The following PRR5L variants were observed in gnomAD, a reference collection of about 807,000 sequenced individuals.
PRR5L encodes the protein proline rich 5 like.
PRR5L carries 21 observed loss-of-function variants against 36.4 expected under a neutral mutation model. The ratio of observed to expected loss-of-function variants is 0.58; its 90% CI spans 0.41 to 0.83. The LOEUF is 0.83. Ranked by LOEUF, PRR5L falls within the 40% of genes least tolerant of loss-of-function variation. The pLI, the probability that PRR5L is intolerant of heterozygous loss-of-function variation, is 0.00. For missense variants in PRR5L, 381 were observed against 473.3 expected (o/e 0.80, Z 1.81); for synonymous variants, 188 against 197.0 (o/e 0.95, Z 0.38).
intron 6 of PRR5L, among the ~76,000 whole-genome samples, chr11:36,445,307 G>GA (rs1217553424): frequency 6.6e-6 from 1 of 152,150 alleles, no homozygotes; most frequent in Non-Finnish European, 1.5e-5. Context: ...AGGAGAGTCT[G>GA]AAAAATTCAC....
intron 1 of PRR5L, among the ~76,000 whole-genome samples, chr11:36,325,022 G>A (rs1419481668): frequency 6.6e-6 from 1 of 152,172 alleles, no homozygotes; most frequent in Non-Finnish European, 1.5e-5. Flanking sequence ...ATGATGGTGG[G>A]CTGCTTCCAA....
chr11:36,416,838 G>A (rs907313359), intron 3 of PRR5L, among the ~76,000 whole-genome samples: 1 of 152,148 alleles, frequency 6.6e-6, no homozygotes, highest in Non-Finnish European at 1.5e-5. Context: ...GGGAGGAGAT[G>A]TCTTGGATTC....
chr11:36,432,681 A>G (rs331485), intron 5 of PRR5L, among the ~76,000 whole-genome samples: 129,508 of 152,150 alleles, frequency 0.85, 55,362 homozygotes, highest in East Asian at 0.91. Flanking sequence ...CATGAGTGGC[A>G]TAACACCATA....
At position 36,421,639 on chromosome 11, in the gene PRR5L, A is replaced by G. The variant is rs564701366; in HGVS notation, c.294+2336A>G. Among the ~76,000 whole-genome samples the G allele has an allele frequency of 1.7e-3, 255 of 152,236 alleles. 3 individuals are homozygous for G. The highest frequency in any genetic ancestry group is 0.014 in the Middle Eastern group (4 of 294). On this transcript the variant is annotated intron_variant, in intron 4 of 8. Transcript: ENST00000530639. ...TCCCCACTCCCTACAAAGTTCCTGG[A>G]ACAAAGTAGATACTCAGTAAACCTT...
intron 4 of PRR5L, among the ~76,000 whole-genome samples, chr11:36,431,452 T>A (rs1202531375): frequency 1.5e-5 from 2 of 134,248 alleles, no homozygotes; most frequent in Non-Finnish European, 3.2e-5. Flanking sequence ...GCCCTAAATT[T>A]ATCTTTTTTT....
chr11:36,374,432 A>G (rs1369960448), intron 1 of PRR5L, among the ~76,000 whole-genome samples: 1 of 152,032 alleles, frequency 6.6e-6, no homozygotes, highest in Non-Finnish European at 1.5e-5. Context: ...ATGTGTTACA[A>G]GGTTATAGAT....
At chr11:36,435,377 A>T (rs753363664) in intron 5 of PRR5L, among the ~76,000 whole-genome samples, 5 of 152,222 alleles carry the variant, frequency 3.3e-5, no homozygotes, top group Admixed American at 6.5e-5. Context: ...CATGAATCAA[A>T]TCATCACCAA....
intron 1 of PRR5L, among the ~76,000 whole-genome samples, chr11:36,368,458 A>G (rs1857167112): frequency 6.6e-6 from 1 of 152,248 alleles, no homozygotes; most frequent in African/African-American, 2.4e-5. Flanking sequence ...GGGCCTCAGC[A>G]GAAAAGCAGA....
At chr11:36,326,523 G>A (rs1350064254) in intron 1 of PRR5L, among the ~76,000 whole-genome samples, 2 of 151,822 alleles carry the variant, frequency 1.3e-5, no homozygotes, top group South Asian at 2.1e-4. Context: ...TACCTCTTGA[G>A]TCTAATCTTT....
chr11:36,307,002 C>T (rs1856441175), intron 1 of PRR5L, among the ~76,000 whole-genome samples: 1 of 152,190 alleles, frequency 6.6e-6, no homozygotes, highest in South Asian at 2.1e-4. Flanking sequence ...ACCCTGATTG[C>T]CACACCCTAA....
chr11:36,387,120 T>C (rs181821086), intron 1 of PRR5L, among the ~76,000 whole-genome samples: 1 of 152,200 alleles, frequency 6.6e-6, no homozygotes, highest in East Asian at 1.9e-4. Flanking sequence ...TGTATCTGGG[T>C]GTGTATATAA....
At chr11:36,324,218 G>C (rs1008198388) in intron 1 of PRR5L, among the ~76,000 whole-genome samples, 2 of 152,128 alleles carry the variant, frequency 1.3e-5, no homozygotes, top group Non-Finnish European at 2.9e-5. Flanking sequence ...TAGTACAAAA[G>C]AATGGATCAC....
intron 1 of PRR5L, among the ~76,000 whole-genome samples, chr11:36,351,242 ATATATT>A (rs1413112066): frequency 1.3e-5 from 1 of 74,768 alleles, no homozygotes; most frequent in Non-Finnish European, 2.2e-5. Flanking sequence ...ATATATTTAT[ATATATT>A]TTTATATATG....
chr11:36,355,582 C>T (rs180904558), intron 1 of PRR5L, among the ~76,000 whole-genome samples: 221 of 143,130 alleles, frequency 1.5e-3, no homozygotes, highest in African/African-American at 5.8e-3. Flanking sequence ...CAGAGTCTTG[C>T]TCTGTCACCC....
chr11:36,405,440 A>G (rs1407998568), intron 3 of PRR5L, among the ~76,000 whole-genome samples: 1 of 152,176 alleles, frequency 6.6e-6, no homozygotes, highest in Non-Finnish European at 1.5e-5. Flanking sequence ...CCCTTTTATA[A>G]CACCAGCCAT....
intron 1 of PRR5L, among the ~76,000 whole-genome samples, chr11:36,335,407 T>TG (rs1856759671): frequency 6.2e-4 from 3 of 4,872 alleles, no homozygotes; most frequent in Middle Eastern, 0.1. Flanking sequence ...TGGGTGGCAG[T>TG]GTGTGTGTGT....
intron 1 of PRR5L, among the ~76,000 whole-genome samples, chr11:36,329,781 A>G (rs1339594435): frequency 1.3e-5 from 2 of 152,188 alleles, no homozygotes; most frequent in Non-Finnish European, 2.9e-5. Context: ...TGTAGTCCCT[A>G]TAGATTTGGG....
chr11:36,429,052 A>T (rs1858439837), intron 4 of PRR5L, among the ~76,000 whole-genome samples: 1 of 152,178 alleles, frequency 6.6e-6, no homozygotes, highest in Non-Finnish European at 1.5e-5. Flanking sequence ...AAAATATATA[A>T]AAAAGATTTT....
intron 1 of PRR5L, chr11:36,297,363 G>C (rs1410783348): frequency 3.3e-5 from 5 of 152,036 alleles, no homozygotes; most frequent in African/African-American, 9.7e-5. Context: ...TTTTTCTATT[G>C]GCATCAGCTT....
Sources: allele counts gnomAD v4.1 joint callset (sites outside exome capture counted in the v4.1 genomes callset), GRCh38; gene constraint gnomAD v4.1.1; transcripts MANE v1.5; gene names NCBI Gene and HGNC (gene_info 2026-07-23, HGNC 2026-07-21).